The following TMEM223 variants were observed in gnomAD, a reference collection of about 807,000 sequenced individuals.
TMEM223 encodes transmembrane protein 223.
TMEM223 carries 14 observed loss-of-function variants against 14.1 expected under a neutral mutation model. That is an observed-to-expected ratio of 0.99 (90% CI 0.66 to 1.55). The LOEUF (loss-of-function observed/expected upper bound fraction) is 1.55. TMEM223 is among the 40% of genes most tolerant of loss of function. The pLI is 0.00. For synonymous variants in TMEM223, 145 were observed against 120.5 expected (o/e 1.20, Z -1.33); for missense variants, 346 against 269.9 (o/e 1.28, Z -1.97).
downstream of TMEM223, chr11:62,786,684 C>G: frequency 6.2e-7 from 1 of 1,612,142 alleles, no homozygotes; most frequent in South Asian, 1.1e-5. Context: ...GGTCCGGCCT[C>G]CCGCTGCCGC....
chr11:62,787,356 T>C, downstream of TMEM223: 1 of 1,538,070 alleles, frequency 6.5e-7, no homozygotes. Context: ...CGTCTCCACC[T>C]TCGTGGGTCG....
chr11:62,782,754 C>T (rs2134717762), downstream of TMEM223: 2 of 1,613,058 alleles, frequency 1.2e-6, no homozygotes, highest in Non-Finnish European at 8.5e-7. Context: ...GCAGAAGATC[C>T]TGGCAGATCC....
rs2084349085 is a variant in TMEM223, at chr11:62,790,570, A to C, written c.*53T>G. ...GTGAACCAACACACCTGGCTCCCCA[A>C]GGTTCAGTTTTTATCCTCCTCTTGG... On this transcript the variant is annotated 3_prime_UTR_variant, in exon 2 of 2. Coordinates refer to ENST00000307366, the MANE Select transcript of TMEM223 (RefSeq NM_001080501.3). The C allele has an allele frequency of 1.3e-6, 2 of 1,514,268 alleles. No homozygotes were observed. The highest frequency in any genetic ancestry group is 1.8e-6 in the Non-Finnish European group (2 of 1,118,558). 93.8% of individuals were successfully genotyped at this position (1,514,268 alleles called of 1,614,324 possible). A position where few individuals can be genotyped will look rare whatever the true frequency, so the allele number is the denominator to read the frequency against.
chr11:62,784,281 G>A (rs2084253457), downstream of TMEM223, among the ~76,000 whole-genome samples: 1 of 140,656 alleles, frequency 7.1e-6, no homozygotes, highest in Non-Finnish European at 1.5e-5. Flanking sequence ...AGCCACCGGT[G>A]CCTGGCCATA....
rs1227237698 is a variant in TMEM223, at chr11:62,791,827, G to A, written c.168C>T (p.Gly56=). The A allele has an allele frequency of 6.3e-7, 1 of 1,587,380 alleles. No individual in the cohort carries two copies. Among genetic ancestry groups the A allele is most frequent in the Admixed American group, 1.8e-5 (1 of 55,440 alleles). Residue 56 remains glycine (G), a synonymous_variant, in exon 1 of 2, where the codon GGC becomes GGT. Transcript: ENST00000307366. The stretch of plus-strand genomic sequence containing the variant: ...CCACAGCCATGGAAGCCCAGAAGAC[G>A]CCCTGGCCCGCGCAGAACAGCCCGA... ...TILGLFCAGQ[G]VFWASMAVAA...
At chr11:62,774,517 A>C (rs3017668) in intron 2 of TMEM223, 1 of 451,726 alleles carries the variant, frequency 2.2e-6, no homozygotes, top group Non-Finnish European at 4.4e-6. Flanking sequence ...AGTGGGGGCA[A>C]TGCCTGGGTG....
Position 62,775,823 on chromosome 11 carries a change from C to T in TMEM223, c.315-1158G>A, listed in dbSNP as rs772171620. 6.2e-6 allele frequency: 10 copies of T among 1,612,398 alleles called. No individual in the cohort carries two copies. The South Asian group carries it at 6.6e-5, about 11-fold the overall frequency. On this transcript the variant is annotated intron_variant, in intron 1 of 2. Coordinates refer to the TMEM223 transcript ENST00000528367. ...AGAGCGGCGGTTTGTGGAGATCCCTCGGGAGTCTGTCCGGCTCATGGCGGA... is the reference window on the plus strand; with the variant it reads ...AGAGCGGCGGTTTGTGGAGATCCCTTGGGAGTCTGTCCGGCTCATGGCGGA...
At chr11:62,773,076 C>G (rs1405893008) in intron 2 of TMEM223, among the ~76,000 whole-genome samples, 1 of 151,560 alleles carries the variant, frequency 6.6e-6, no homozygotes, top group African/African-American at 2.4e-5. Flanking sequence ...CTCCTGACCT[C>G]GTGATCCACC....
chr11:62,775,221 A>C (rs1303307191), intron 1 of TMEM223, among the ~76,000 whole-genome samples: 1 of 152,182 alleles, frequency 6.6e-6, no homozygotes, highest in African/African-American at 2.4e-5. Flanking sequence ...GTGCCGAGCA[A>C]AAGGGGGAAA....
intron 1 of TMEM223, among the ~76,000 whole-genome samples, chr11:62,791,124 C>T (rs920715761): frequency 5.3e-5 from 8 of 152,098 alleles, no homozygotes; most frequent in African/African-American, 1.9e-4. Flanking sequence ...TTCCTCCCAA[C>T]AACCTTAATA....
At position 62,790,633 on chromosome 11, in the gene TMEM223, C is replaced by A. The variant is rs759882946; in HGVS notation, c.599G>T (p.Arg200Leu). Residue 200 changes from arginine (R) to leucine (L), a missense_variant, in exon 2 of 2, where the codon CGG (arginine) becomes CTG (leucine). Physicochemically the swap from Arg to Leu is moderately radical, Grantham distance 102. Transcript: ENST00000307366. ...CTTGAGGTCATTTCTTCACAAGCTC[C>A]GGTAGGCACCCACAGTATTGTCAAA... The part of the protein sequence containing the change: ...KLFDNTVGAY[R>L]SL 86 of 1,607,658 alleles carry A rather than the reference C, an allele frequency of 5.3e-5. No homozygotes were observed. Among genetic ancestry groups the A allele is most frequent in the Non-Finnish European group, 7.1e-5 (84 of 1,175,658 alleles).
chr11:62,789,995 A>G lies in TMEM223; in HGVS notation c.*628T>C. 1 of 1,614,026 alleles carries G rather than the reference A, an allele frequency of 6.2e-7. No homozygotes were observed. The highest frequency in any genetic ancestry group is 8.5e-7 in the Non-Finnish European group (1 of 1,179,990). On this transcript the variant is annotated 3_prime_UTR_variant, in exon 2 of 2. Coordinates refer to ENST00000307366, the MANE Select transcript of TMEM223 (RefSeq NM_001080501.3). ...CGGCCTCTGGAGAGGGGTGACCCTG[A>G]GTGGAGCTCTGAGACAGATGCTCTC...
intron 1 of TMEM223, among the ~76,000 whole-genome samples, chr11:62,776,984 T>A (rs942972757): frequency 2.2e-4 from 34 of 151,760 alleles, no homozygotes; most frequent in Non-Finnish European, 2.4e-4. Flanking sequence ...TCGTTTCTAC[T>A]AAAAATACAA....
At chr11:62,774,910 AT>A (rs377494484) in intron 1 of TMEM223, among the ~76,000 whole-genome samples, 1,806 of 142,324 alleles carry the variant, frequency 0.013, 104 homozygotes, top group African/African-American at 0.037. Flanking sequence ...AAAAAAAAAA[AT>A]TTAGCCATCC....
At chr11:62,791,652 AC>A in intron 1 of TMEM223, 26 bp downstream of exon 1, 1 of 1,501,700 alleles carries the variant, frequency 6.7e-7, no homozygotes, top group Admixed American at 2.1e-5. Flanking sequence ...CCACGTTGTC[AC>A]AGTGGGAAGC....
At chr11:62,778,231 G>A (rs1011356577) in intron 1 of TMEM223, 131 of 1,613,576 alleles carry the variant, frequency 8.1e-5, no homozygotes, top group Middle Eastern at 4.9e-4. Context: ...AGGGGTAGGC[G>A]GTACTCTAAG....
rs1300765424 is a variant in TMEM223 at position 62,775,836 on chromosome 11, G to A, written c.315-1171C>T. ...GTGGAGATCCCTCGGGAGTCTGTCCGGCTCATGGCGGAGAGCACGGGCCTG... is the reference window on the plus strand; with the variant it reads ...GTGGAGATCCCTCGGGAGTCTGTCCAGCTCATGGCGGAGAGCACGGGCCTG... On this transcript the variant is annotated intron_variant, in intron 1 of 2. Coordinates refer to the TMEM223 transcript ENST00000528367. The A allele has an allele frequency of 3.1e-6, 5 of 1,613,222 alleles. No homozygotes were observed. The highest frequency in any genetic ancestry group is 4.2e-6 in the Non-Finnish European group (5 of 1,179,932).
chr11:62,774,230 C>A (rs2084169406), intron 2 of TMEM223, among the ~76,000 whole-genome samples: 1 of 152,132 alleles, frequency 6.6e-6, no homozygotes. Flanking sequence ...GCGCCCGCCA[C>A]CAAGCCCAGC....
downstream of TMEM223, among the ~76,000 whole-genome samples, chr11:62,783,355 G>A (rs373233695): frequency 2.0e-5 from 3 of 152,006 alleles, no homozygotes; most frequent in South Asian, 4.2e-4. Context: ...GGTGGCGGGC[G>A]CCTGTAGTCC....
Sources: gnomAD v4.1 joint callset for allele counts (sites outside exome capture counted in the v4.1 genomes callset) on GRCh38, gnomAD v4.1.1 for gene constraint, MANE v1.5 for transcripts, NCBI Gene and HGNC (gene_info 2026-07-23, HGNC 2026-07-21) for gene names.